Variants in NEO1 observed in about 807,000 individuals in gnomAD.
NEO1 encodes neogenin 1.
A neutral mutation model predicts 159.7 loss-of-function variants in NEO1; 63 were observed. The ratio of observed to expected loss-of-function variants is 0.39; its 90% CI spans 0.32 to 0.49. The LOEUF (loss-of-function observed/expected upper bound fraction) is 0.49, where lower values mean the gene tolerates loss of function less well. Among genes scored for constraint, NEO1 ranks in the 20% least tolerant of loss-of-function variants. NEO1 has a pLI of 0.85. For missense variants in NEO1, 1,615 were observed against 1,831.0 expected (o/e 0.88, Z 2.15); for synonymous variants, 633 against 662.0 (o/e 0.96, Z 0.67).
intron 7 of NEO1, among the ~76,000 whole-genome samples, chr15:73,208,480 TA>T (rs1178340708): frequency 6.6e-6 from 1 of 152,200 alleles, no homozygotes; most frequent in Non-Finnish European, 1.5e-5. Context: ...TTATTTTTTT[TA>T]AAAACTGTTC....
intron 22 of NEO1, among the ~76,000 whole-genome samples, chr15:73,279,959 A>G (rs899062460): frequency 6.6e-6 from 1 of 152,230 alleles, no homozygotes; most frequent in Non-Finnish European, 1.5e-5. Flanking sequence ...TCAAAAACTC[A>G]AGTACCAGTG....
intron 1 of NEO1, among the ~76,000 whole-genome samples, chr15:73,082,741 T>C (rs2069137321): frequency 6.6e-6 from 1 of 152,156 alleles, no homozygotes; most frequent in South Asian, 2.1e-4. Context: ...TAGGTATACA[T>C]GATAAAATAG....
At chr15:73,269,803 C>T (rs993444726) in intron 16 of NEO1, among the ~76,000 whole-genome samples, 1 of 152,174 alleles carries the variant, frequency 6.6e-6, no homozygotes, top group Non-Finnish European at 1.5e-5. Context: ...TACTGCTTCT[C>T]TTAACATTTT....
At chr15:73,214,003 C>T (rs559938136) in intron 7 of NEO1, among the ~76,000 whole-genome samples, 51 of 152,180 alleles carry the variant, frequency 3.4e-4, no homozygotes, top group Non-Finnish European at 6.2e-4. Context: ...TTTTGATTTG[C>T]ATTTCCCTGA....
rs113772854 is a variant in NEO1 at position 73,186,350 on chromosome 15, AG to A, written c.1291+7925del. ...TTAAAAAAAAAGGCAACCAAAAAAA[AG>A]GCAACCAAAACTATACCCAGCAAAA... On this transcript the variant is annotated intron_variant, in intron 7 of 28. Transcript: ENST00000261908. Among the ~76,000 whole-genome samples, 72 of 152,200 alleles carry A rather than the reference AG, an allele frequency of 4.7e-4. 1 individual carries two copies. The highest frequency in any genetic ancestry group is 1.7e-3 in the African/African-American group (69 of 41,556).
At chr15:73,199,903 A>T (rs77988749) in intron 7 of NEO1, among the ~76,000 whole-genome samples, 1 of 152,258 alleles carries the variant, frequency 6.6e-6, no homozygotes, top group African/African-American at 2.4e-5. Context: ...AAAACCTTTT[A>T]TAGGGGTGCT....
chr15:73,275,405 T>C (rs778418393), intron 21 of NEO1, among the ~76,000 whole-genome samples: 9 of 152,178 alleles, frequency 5.9e-5, no homozygotes, highest in Non-Finnish European at 1.2e-4. Context: ...ATCCCAGCAC[T>C]TTGGGAGGCC....
chr15:73,084,574 G>A (rs776072548), intron 1 of NEO1, among the ~76,000 whole-genome samples: 14 of 151,970 alleles, frequency 9.2e-5, no homozygotes, highest in East Asian at 1.9e-4. Flanking sequence ...TAAATTCCAC[G>A]TCTTGGCTAT....
chr15:73,199,273 G>A (rs531853815), intron 7 of NEO1, among the ~76,000 whole-genome samples: 52 of 151,276 alleles, frequency 3.4e-4, no homozygotes, highest in South Asian at 6.4e-4. Flanking sequence ...ACATCACATT[G>A]AGGGCACATG....
chr15:73,279,534 A>G (rs1200349692), intron 22 of NEO1, among the ~76,000 whole-genome samples: 1 of 151,660 alleles, frequency 6.6e-6, no homozygotes. Flanking sequence ...TTTTTAGTAG[A>G]GACGGGGTTT....
intron 1 of NEO1, among the ~76,000 whole-genome samples, chr15:73,088,782 A>T (rs1014947181): frequency 1.3e-5 from 2 of 152,260 alleles, no homozygotes; most frequent in African/African-American, 4.8e-5. Flanking sequence ...GGATGGGGAC[A>T]TTCAAAAGAG....
chr15:73,231,489 T>C (rs2038907421), intron 7 of NEO1, among the ~76,000 whole-genome samples: 1 of 152,178 alleles, frequency 6.6e-6, no homozygotes, highest in Non-Finnish European at 1.5e-5. Flanking sequence ...CCCAGCACTT[T>C]TGAGAGGCCG....
intron 1 of NEO1, among the ~76,000 whole-genome samples, chr15:73,058,297 A>G (rs964283192): frequency 1.3e-5 from 2 of 152,164 alleles, no homozygotes. Flanking sequence ...GAAGATGACA[A>G]TTTCTTCACA....
intron 1 of NEO1, among the ~76,000 whole-genome samples, chr15:73,103,510 A>G (rs1441345799): frequency 6.6e-6 from 1 of 152,110 alleles, no homozygotes; most frequent in East Asian, 1.9e-4. Context: ...TTGACTGTCT[A>G]GGCCGGTTAG....
intron 14 of NEO1, 70 bp downstream of exon 14, chr15:73,258,946 A>G (rs2040490808): frequency 2.2e-6 from 3 of 1,342,154 alleles, no homozygotes; most frequent in Non-Finnish European, 3.2e-6. Context: ...CAAACTGGAA[A>G]GCCACAGACT....
intron 7 of NEO1, among the ~76,000 whole-genome samples, chr15:73,216,857 A>T (rs2037918572): frequency 6.6e-6 from 1 of 152,000 alleles, no homozygotes; most frequent in Non-Finnish European, 1.5e-5. Flanking sequence ...AGATTGAGAA[A>T]ATTTTCTCCC....
chr15:73,182,875 A>G (rs995877479), intron 7 of NEO1, among the ~76,000 whole-genome samples: 2 of 151,954 alleles, frequency 1.3e-5, no homozygotes, highest in Admixed American at 6.6e-5. Flanking sequence ...AAAAAGGACA[A>G]CCCTCCCCAC....
intron 15 of NEO1, among the ~76,000 whole-genome samples, chr15:73,264,845 A>G (rs2040810751): frequency 6.6e-6 from 1 of 152,206 alleles, no homozygotes; most frequent in African/African-American, 2.4e-5. Context: ...AACACTTACA[A>G]TGTCCCAGAC....
intron 10 of NEO1, 35 bp downstream of exon 10, chr15:73,249,243 G>A: frequency 6.2e-7 from 1 of 1,600,978 alleles, no homozygotes. Context: ...ACCATTGATT[G>A]GAATAGTAGA....
Sources: allele counts gnomAD v4.1 joint callset (sites outside exome capture counted in the v4.1 genomes callset), GRCh38; gene constraint gnomAD v4.1.1; transcripts MANE v1.5; gene names NCBI Gene and HGNC (gene_info 2026-07-23, HGNC 2026-07-21).